CMIP: variants seen among roughly 807,000 people sequenced by gnomAD.
CMIP encodes the protein C-Maf-inducing protein.
Under a neutral mutation model 97.3 loss-of-function variants are expected in CMIP, and 13 were observed. That is an observed-to-expected ratio of 0.13 (90% CI 0.09 to 0.21). CMIP has a LOEUF of 0.21. Among genes scored for constraint, CMIP ranks in the 10% least tolerant of loss-of-function variants. CMIP has a pLI of 1.00. For synonymous variants in CMIP, 538 were observed against 436.3 expected (o/e 1.23, Z -2.91); for missense variants, 847 against 1,024.9 (o/e 0.83, Z 2.37).
At chr16:81,516,079 G>T (rs2089907903) in intron 1 of CMIP, among the ~76,000 whole-genome samples, 1 of 152,130 alleles carries the variant, frequency 6.6e-6, no homozygotes, top group Non-Finnish European at 1.5e-5. Flanking sequence ...TTGCTCCATT[G>T]CCCCCGTTTG....
At chr16:81,497,508 G>A (rs772592366) in intron 1 of CMIP, among the ~76,000 whole-genome samples, 2 of 152,178 alleles carry the variant, frequency 1.3e-5, no homozygotes, top group South Asian at 2.1e-4. Context: ...GAAGCAAGGC[G>A]ACTGTCTCAT....
chr16:81,583,271 A>G (rs2091326427), intron 1 of CMIP, among the ~76,000 whole-genome samples: 1 of 152,220 alleles, frequency 6.6e-6, no homozygotes, highest in Non-Finnish European at 1.5e-5. Context: ...TGTCTGTGCG[A>G]ATGTCCCCAC....
chr16:81,592,713 C>G (rs556819947), intron 1 of CMIP, among the ~76,000 whole-genome samples: 1 of 152,200 alleles, frequency 6.6e-6, no homozygotes, highest in Non-Finnish European at 1.5e-5. Flanking sequence ...TTGATGGACC[C>G]GAACCTCCTT....
chr16:81,645,487 C>T (rs188026986), intron 3 of CMIP: 420 of 1,534,146 alleles, frequency 2.7e-4, no homozygotes, highest in African/African-American at 2.7e-3. Context: ...TTCCTGCTGA[C>T]GACTTGTCTC....
At position 81,444,815 on chromosome 16, in the gene CMIP, C is replaced by T. The variant is rs1245812559; in HGVS notation, c.-427C>T. On this transcript the variant is annotated 5_prime_UTR_variant, in exon 1 of 21. Coordinates refer to ENST00000537098, the MANE Select transcript of CMIP (RefSeq NM_198390.3). ...CCCGCCCCGCCCGCGGCCACTCTCG[C>T]CCGGACGGCCGCGCGGACACACGCT... Among the ~76,000 whole-genome samples the T allele has an allele frequency of 2.7e-5, 4 of 145,464 alleles. No individual in the cohort carries two copies. Among genetic ancestry groups the T allele is most frequent in the Non-Finnish European group, 6.1e-5 (4 of 65,372 alleles).
rs149482692 is a variant in CMIP, at chr16:81,685,002, C to T, written c.1388+6374C>T. On this transcript the variant is annotated intron_variant, in intron 10 of 20. Transcript: ENST00000537098. ...GCGGGGACTCTGCTGGCCACTGGGT[C>T]CTGTGCCGAGGCCCGTCACAGAGAG... is the stretch of plus-strand genomic sequence containing the variant. Among the ~76,000 whole-genome samples, 14 of 152,364 alleles carry T rather than the reference C, an allele frequency of 9.2e-5. No homozygotes were observed. The East Asian group carries it at 2.7e-3, about 29-fold the overall frequency.
rs554391629 is a variant in CMIP at position 81,506,878 on chromosome 16, C to T, written c.300+61337C>T. The stretch of plus-strand genomic sequence containing the variant: ...TGAGATCACGCCACTCCACTCCAGC[C>T]TGGATGACAGAGCGAGACTCCGTCT... On this transcript the variant is annotated intron_variant, in intron 1 of 20. Transcript: ENST00000537098. Among the ~76,000 whole-genome samples, 305 of 145,648 alleles carry T rather than the reference C, an allele frequency of 2.1e-3. 1 individual carries two copies. Among genetic ancestry groups the T allele is most frequent in the African/African-American group, 7.2e-3 (286 of 39,570 alleles).
chr16:81,489,810 G>T (rs557392682), intron 1 of CMIP, among the ~76,000 whole-genome samples: 4 of 152,354 alleles, frequency 2.6e-5, no homozygotes, highest in African/African-American at 9.6e-5. Context: ...GCCAACTCTG[G>T]CAGGAGGAGG....
At chr16:81,605,242 C>T (rs1333783994) in intron 1 of CMIP, among the ~76,000 whole-genome samples, 1 of 152,214 alleles carries the variant, frequency 6.6e-6, no homozygotes, top group Non-Finnish European at 1.5e-5. Context: ...GACTTTGAGG[C>T]ACGCTGCATA....
chr16:81,558,156 G>A (rs2090804494), intron 1 of CMIP, among the ~76,000 whole-genome samples: 1 of 152,176 alleles, frequency 6.6e-6, no homozygotes, highest in Non-Finnish European at 1.5e-5. Context: ...TCCATTGTCT[G>A]TGTATGCTGC....
Position 81,466,085 on chromosome 16 carries a change from G to T in CMIP, c.300+20544G>T, listed in dbSNP as rs150953817. ...TATTTTGTCTTATTTTTTTGAGGTA[G>T]GGTCTCGCCCTGTCACCTAGGCTAG... On this transcript the variant is annotated intron_variant, in intron 1 of 20. Transcript: ENST00000537098. Among the ~76,000 whole-genome samples the T allele has an allele frequency of 3.1e-4, 47 of 151,834 alleles. 1 individual carries two copies. The East Asian group carries it at 7.3e-3, about 24-fold the overall frequency.
chr16:81,624,184 C>T (rs1003951332), intron 3 of CMIP, among the ~76,000 whole-genome samples: 5 of 150,126 alleles, frequency 3.3e-5, no homozygotes, highest in African/African-American at 1.2e-4. Flanking sequence ...GAAATTCCAC[C>T]ACCTCAGCTT....
At chr16:81,492,908 GAC>G (rs1474662846) in intron 1 of CMIP, among the ~76,000 whole-genome samples, 1 of 152,062 alleles carries the variant, frequency 6.6e-6, no homozygotes, top group Non-Finnish European at 1.5e-5. Context: ...CAGAAAGACA[GAC>G]ACACAGAGAG....
At chr16:81,479,726 C>G (rs1218976910) in intron 1 of CMIP, among the ~76,000 whole-genome samples, 1 of 152,196 alleles carries the variant, frequency 6.6e-6, no homozygotes, top group East Asian at 1.9e-4. Flanking sequence ...ACTACCACCT[C>G]TGTCTAGTTC....
intron 9 of CMIP, among the ~76,000 whole-genome samples, chr16:81,673,481 A>T (rs2092701048): frequency 6.6e-6 from 1 of 152,086 alleles, no homozygotes; most frequent in South Asian, 2.1e-4. Context: ...ACACCACTGC[A>T]CTCCAGCCTG....
chr16:81,476,596 A>C (rs1907938243), intron 1 of CMIP: 4 of 470,816 alleles, frequency 8.5e-6, no homozygotes, highest in Non-Finnish European at 1.6e-5. Context: ...AGTTTCATAT[A>C]AATAGTATCA....
At chr16:81,467,782 T>A (rs948337255) in intron 1 of CMIP, among the ~76,000 whole-genome samples, 3 of 151,850 alleles carry the variant, frequency 2.0e-5, no homozygotes, top group African/African-American at 4.8e-5. Flanking sequence ...GGTTTCGCCA[T>A]CTTGCCCAGG....
chr16:81,545,087 C>G (rs2090520713), intron 1 of CMIP, among the ~76,000 whole-genome samples: 1 of 152,108 alleles, frequency 6.6e-6, no homozygotes, highest in Admixed American at 6.5e-5. Context: ...TCCTAGACTC[C>G]TAGAAGATGC....
At position 81,655,318 on chromosome 16, in the gene CMIP, G is replaced by A. The variant is rs564557981; in HGVS notation, c.640-2457G>A. On this transcript the variant is annotated intron_variant, in intron 4 of 20. Coordinates refer to ENST00000537098, the MANE Select transcript of CMIP (RefSeq NM_198390.3). This position sits in a 1 kb window ranked among gnomAD's most constrained non-coding sequence, Gnocchi z 4.9. ...CACCAGACCAACCAGAAGGTGGAAG[G>A]ATCTGGAGGGAGCAGGCAGAGGGGC... is the stretch of plus-strand genomic sequence containing the variant. Among the ~76,000 whole-genome samples the A allele has an allele frequency of 1.3e-5, 2 of 152,162 alleles. No homozygotes were observed. Among genetic ancestry groups the A allele is most frequent in the Non-Finnish European group, 2.9e-5 (2 of 68,020 alleles).
Sources: allele counts gnomAD v4.1 joint callset (sites outside exome capture counted in the v4.1 genomes callset), GRCh38; gene constraint gnomAD v4.1.1; non-coding constraint Gnocchi (gnomAD v3.1); transcripts MANE v1.5; gene names NCBI Gene and HGNC (gene_info 2026-07-23, HGNC 2026-07-21).